Variants in SH3BP5 observed in about 807,000 individuals in gnomAD.
SH3BP5 encodes the protein SH3 domain-binding protein 5.
SH3BP5 carries 22 observed loss-of-function variants against 43.3 expected under a neutral mutation model. The ratio of observed to expected loss-of-function variants is 0.51; its 90% confidence interval spans 0.36 to 0.73. The LOEUF is 0.73. Ranked by LOEUF, SH3BP5 falls within the 30% of genes least tolerant of loss-of-function variation. The probability of loss-of-function intolerance (pLI) is 0.00; values close to 1 mark genes in which losing one functional copy is unlikely to be tolerated. For synonymous variants in SH3BP5, 255 were observed against 225.8 expected, an observed-to-expected ratio of 1.13 and a Z score of -1.16; for missense variants, 529 against 586.9, an observed-to-expected ratio of 0.90 and a Z score of 1.02.
intron 3 of SH3BP5, among the ~76,000 whole-genome samples, chr3:15,302,629 G>A (rs1697783318): frequency 6.6e-6 from 1 of 151,990 alleles, no homozygotes; most frequent in Non-Finnish European, 1.5e-5. Context: ...AAAAGAAGAG[G>A]AATGGTTAAG....
chr3:15,261,381 C>A (rs1326670816), intron 5 of SH3BP5, among the ~76,000 whole-genome samples: 1 of 152,212 alleles, frequency 6.6e-6, no homozygotes, highest in Non-Finnish European at 1.5e-5. Flanking sequence ...TGCAGATCCT[C>A]TTCCTCACTG....
chr3:15,296,815 T>C (rs1016509633), intron 3 of SH3BP5, among the ~76,000 whole-genome samples: 2 of 137,444 alleles, frequency 1.5e-5, no homozygotes, highest in East Asian at 4.5e-4. Flanking sequence ...TACCTCAGCC[T>C]CCTAAGTAGC....
intron 6 of SH3BP5, 79 bp from the exon 7 acceptor site, chr3:15,259,129 A>G: frequency 8.8e-7 from 1 of 1,141,690 alleles, no homozygotes; most frequent in Non-Finnish European, 1.3e-6. Context: ...GTTCAAGTAC[A>G]TTTTCTGCCC....
At chr3:15,319,485 T>C (rs1041776888) in intron 2 of SH3BP5, among the ~76,000 whole-genome samples, 3 of 152,218 alleles carry the variant, frequency 2.0e-5, no homozygotes, top group Non-Finnish European at 2.9e-5. Flanking sequence ...TTTTCAAATA[T>C]GGCCTACAAT....
At chr3:15,296,483 T>G (rs779270317) in intron 3 of SH3BP5, among the ~76,000 whole-genome samples, 23 of 152,106 alleles carry the variant, frequency 1.5e-4, no homozygotes, top group Non-Finnish European at 2.8e-4. Context: ...GGATCTCTGT[T>G]CTATGTTTGA....
At chr3:15,305,577 C>A (rs1697880608) in intron 2 of SH3BP5, among the ~76,000 whole-genome samples, 2 of 152,132 alleles carry the variant, frequency 1.3e-5, no homozygotes, top group Admixed American at 1.3e-4. Context: ...TCACAGGAAA[C>A]TTCCAGAGGA....
At chr3:15,310,936 T>C (rs1176458208) in intron 2 of SH3BP5, among the ~76,000 whole-genome samples, 1 of 152,190 alleles carries the variant, frequency 6.6e-6, no homozygotes, top group Non-Finnish European at 1.5e-5. Context: ...GGAAGCAGCA[T>C]GCAGGTTGAA....
chr3:15,321,552 C>T (rs984895097), intron 2 of SH3BP5, among the ~76,000 whole-genome samples: 4 of 151,834 alleles, frequency 2.6e-5, no homozygotes, highest in Non-Finnish European at 5.9e-5. Flanking sequence ...ATTCCCCACC[C>T]CCATCCCATG....
At chr3:15,287,799 T>C (rs1697306431) in intron 3 of SH3BP5, among the ~76,000 whole-genome samples, 1 of 152,100 alleles carries the variant, frequency 6.6e-6, no homozygotes, top group Non-Finnish European at 1.5e-5. Flanking sequence ...TTGTGAGTAG[T>C]GACGTGCGTG....
intron 2 of SH3BP5, among the ~76,000 whole-genome samples, chr3:15,306,972 C>T (rs1173518360): frequency 3.3e-5 from 5 of 152,086 alleles, no homozygotes; most frequent in South Asian, 4.1e-4. Flanking sequence ...GGCACCCAGC[C>T]GACATTTTAT....
intron 2 of SH3BP5, among the ~76,000 whole-genome samples, chr3:15,315,710 C>T (rs1438738725): frequency 2.6e-5 from 4 of 152,186 alleles, no homozygotes; most frequent in Non-Finnish European, 4.4e-5. Context: ...CCCAGTTCCA[C>T]CTCCTAGAAC....
At chr3:15,333,725 G>A (rs1472426944), upstream of SH3BP5, among the ~76,000 whole-genome samples, 1 of 152,178 alleles carries the variant, frequency 6.6e-6, no homozygotes, top group Non-Finnish European at 1.5e-5. Flanking sequence ...CCCCATACAC[G>A]CTGGCACTGT....
chr3:15,268,562 G>C (rs536443675), intron 4 of SH3BP5, among the ~76,000 whole-genome samples: 2 of 152,244 alleles, frequency 1.3e-5, no homozygotes, highest in African/African-American at 2.4e-5. Context: ...AGGCTGGTGT[G>C]GGGGGATACC....
chr3:15,256,862 C>T lies in SH3BP5; in HGVS notation c.1141G>A (p.Val381Ile), dbSNP rs371355073. The change falls in exon 8 of 9, where the codon GTA becomes ATA. Residue 381 changes from valine (V) to isoleucine (I), a missense_variant. Coordinates refer to ENST00000383791, the MANE Select transcript of SH3BP5 (RefSeq NM_004844.5). The part of the protein sequence containing the change: ...CSGASSPECE[V>I]ERGDRAEGAE... ...GAAGGCTGCTACTCACCTCGTTCTA[C>T]TTCACATTCAGGGGAGGAGGCCCCG... 9.3e-6 allele frequency: 15 copies of T among 1,610,090 alleles called. No individual in the cohort carries two copies. The highest frequency in any genetic ancestry group is 2.7e-5 in the African/African-American group (2 of 74,844).
At chr3:15,260,799 G>A (rs1320629102) in intron 5 of SH3BP5, among the ~76,000 whole-genome samples, 1 of 152,180 alleles carries the variant, frequency 6.6e-6, no homozygotes, top group Non-Finnish European at 1.5e-5. Context: ...TCTGTGGAAT[G>A]CACAGATGTA....
intron 3 of SH3BP5, among the ~76,000 whole-genome samples, chr3:15,281,933 G>A (rs916082618): frequency 5.9e-5 from 9 of 152,136 alleles, no homozygotes; most frequent in African/African-American, 2.2e-4. Flanking sequence ...GAACCTGGGA[G>A]GCGGAGGTTG....
intron 3 of SH3BP5, among the ~76,000 whole-genome samples, chr3:15,298,102 G>A (rs1697627654): frequency 6.6e-6 from 1 of 151,498 alleles, no homozygotes; most frequent in Non-Finnish European, 1.5e-5. Flanking sequence ...TCTGCCTCCT[G>A]AGTAGCTGGG....
chr3:15,284,512 G>A lies in SH3BP5; in HGVS notation c.331-14635C>T, dbSNP rs182517851. 5.1e-4 allele frequency among the ~76,000 whole-genome samples: 78 copies of A among 152,316 alleles called. 1 individual carries two copies. Among genetic ancestry groups the A allele is most frequent in the African/African-American group, 1.7e-3 (70 of 41,566 alleles). ...ACTTGAAATAAATGGGTTCAAAGTCGTTAACATTCCTCGTGCCTCAGATGA... is the reference window on the plus strand; with the variant it reads ...ACTTGAAATAAATGGGTTCAAAGTCATTAACATTCCTCGTGCCTCAGATGA... On this transcript the variant is annotated intron_variant, in intron 3 of 8. Transcript: ENST00000383791.
At chr3:15,309,325 G>A (rs1460505123) in intron 2 of SH3BP5, among the ~76,000 whole-genome samples, 1 of 152,098 alleles carries the variant, frequency 6.6e-6, no homozygotes, top group Non-Finnish European at 1.5e-5. Context: ...GGGGTTTTTT[G>A]GGTTTTTGTT....
Sources: allele counts gnomAD v4.1 joint callset (sites outside exome capture counted in the v4.1 genomes callset), GRCh38; gene constraint gnomAD v4.1.1; transcripts MANE v1.5; gene names NCBI Gene and HGNC (gene_info 2026-07-23, HGNC 2026-07-21).